The following BEND6 variants were observed in gnomAD, a reference collection of about 807,000 sequenced individuals.
The protein encoded by BEND6 is BEN domain-containing protein 6.
A neutral mutation model predicts 31.8 loss-of-function variants in BEND6; 24 were observed. The ratio of observed to expected loss-of-function variants is 0.75; its 90% CI spans 0.55 to 1.06. The LOEUF is 1.06. BEND6 is among the 50% of genes least tolerant of loss of function. BEND6 has a pLI of 0.00. For synonymous variants in BEND6, 109 were observed against 114.6 expected (o/e 0.95, Z 0.31); for missense variants, 294 against 327.4 (o/e 0.90, Z 0.79).
Position 56,955,169 on chromosome 6 carries a change from G to T in BEND6, c.-392G>T, listed in dbSNP as rs1168502536. On this transcript the variant is annotated 5_prime_UTR_variant, in exon 1 of 7. Transcript: ENST00000370746. ...ACATGGCTGCGGCGGTTTCGGCGGC[G>T]TCCGCGGGCTGCACCCGGGCCTGAG... 6.6e-6 allele frequency: 1 copy of T among 150,950 alleles called. No homozygotes were observed. Among genetic ancestry groups the T allele is most frequent in the Admixed American group, 6.6e-5 (1 of 15,156 alleles). The allele number at this position is 150,950 out of a possible 1,614,324, so 9.4% of individuals were successfully genotyped here.
intron 3 of BEND6, chr6:57,014,534 C>A: frequency 6.7e-7 from 1 of 1,501,852 alleles, no homozygotes; most frequent in Non-Finnish European, 8.9e-7. Flanking sequence ...GTGTAAGTTT[C>A]CATTTGAAAA....
At chr6:56,963,886 TTAA>T (rs1825372490) in intron 1 of BEND6, among the ~76,000 whole-genome samples, 1 of 147,784 alleles carries the variant, frequency 6.8e-6, no homozygotes, top group South Asian at 2.1e-4. Context: ...TACTATTAAA[TTAA>T]TGTTATAATT....
At chr6:57,011,525 C>G (rs1827340884) in intron 3 of BEND6, among the ~76,000 whole-genome samples, 1 of 151,718 alleles carries the variant, frequency 6.6e-6, no homozygotes, top group Non-Finnish European at 1.5e-5. Flanking sequence ...CAAGACCAGC[C>G]TGGGCAACAT....
intron 3 of BEND6, among the ~76,000 whole-genome samples, chr6:57,012,256 A>G (rs1827373062): frequency 6.6e-6 from 1 of 152,262 alleles, no homozygotes; most frequent in Non-Finnish European, 1.5e-5. Context: ...GGAATGAATT[A>G]TGGTACACAC....
chr6:56,973,450 A>G (rs1165414352), intron 1 of BEND6, among the ~76,000 whole-genome samples: 1 of 152,202 alleles, frequency 6.6e-6, no homozygotes, highest in Non-Finnish European at 1.5e-5. Flanking sequence ...CATTTTTTCT[A>G]TACATACCTA....
chr6:57,015,879 G>A (rs1453300134), intron 4 of BEND6, among the ~76,000 whole-genome samples: 6 of 151,704 alleles, frequency 4.0e-5, no homozygotes, highest in African/African-American at 1.5e-4. Flanking sequence ...GGCAGGGCTT[G>A]ACTTAGGAGG....
chr6:56,964,379 A>T (rs549617931), intron 1 of BEND6, among the ~76,000 whole-genome samples: 29 of 152,296 alleles, frequency 1.9e-4, no homozygotes, highest in Middle Eastern at 3.4e-3. Flanking sequence ...TGTGAACAGG[A>T]TGTACATTTG....
intron 3 of BEND6, among the ~76,000 whole-genome samples, chr6:56,994,225 C>T (rs1485246577): frequency 6.6e-6 from 1 of 151,548 alleles, no homozygotes; most frequent in Non-Finnish European, 1.5e-5. Flanking sequence ...TTTGGGAGGC[C>T]GAGGTGGGTG....
intron 1 of BEND6, among the ~76,000 whole-genome samples, chr6:56,960,732 G>A (rs1173612506): frequency 6.6e-6 from 1 of 152,190 alleles, no homozygotes; most frequent in Non-Finnish European, 1.5e-5. Flanking sequence ...AGAAAATTGT[G>A]ATGAGCAACT....
intron 2 of BEND6, among the ~76,000 whole-genome samples, chr6:56,990,716 T>C (rs565808818): frequency 3.9e-5 from 6 of 152,328 alleles, no homozygotes; most frequent in Admixed American, 2.0e-4. Flanking sequence ...CATATAAATT[T>C]TAAAACCAAT....
At chr6:56,998,103 A>T (rs1826793051) in intron 3 of BEND6, among the ~76,000 whole-genome samples, 1 of 152,146 alleles carries the variant, frequency 6.6e-6, no homozygotes, top group Non-Finnish European at 1.5e-5. Context: ...TTACGTTTTG[A>T]GGGAGAGGGA....
chr6:57,015,825 A>G (rs1441958173), intron 4 of BEND6, among the ~76,000 whole-genome samples: 5 of 151,690 alleles, frequency 3.3e-5, no homozygotes, highest in Admixed American at 3.3e-4. Context: ...AAAAAAAAAA[A>G]AAGAAGAGGC....
chr6:56,999,272 T>C (rs1826838176), intron 3 of BEND6, among the ~76,000 whole-genome samples: 1 of 152,004 alleles, frequency 6.6e-6, no homozygotes, highest in African/African-American at 2.4e-5. Flanking sequence ...TGTACAGTGA[T>C]GGCATGGAGG....
intron 1 of BEND6, among the ~76,000 whole-genome samples, chr6:56,956,135 G>A (rs924035367): frequency 5.9e-5 from 9 of 152,234 alleles, no homozygotes; most frequent in Non-Finnish European, 1.2e-4. Flanking sequence ...TGTGGGGCTG[G>A]ATTGTTTGTT....
chr6:57,011,602 C>T (rs1171977238), intron 3 of BEND6, among the ~76,000 whole-genome samples: 1 of 149,780 alleles, frequency 6.7e-6, no homozygotes, highest in East Asian at 2.0e-4. Flanking sequence ...CCCGTAGACC[C>T]AGCTACTTGG....
chr6:57,002,847 T>C (rs1177721363), intron 3 of BEND6, among the ~76,000 whole-genome samples: 1 of 150,598 alleles, frequency 6.6e-6, no homozygotes, highest in East Asian at 2.0e-4. Context: ...AGAAAAGAAA[T>C]CACTAAAATC....
intron 1 of BEND6, among the ~76,000 whole-genome samples, chr6:56,958,185 G>C (rs1441053177): frequency 6.6e-6 from 1 of 152,182 alleles, no homozygotes; most frequent in Non-Finnish European, 1.5e-5. Flanking sequence ...TGTGAGAAGG[G>C]AATTTTATAC....
intron 3 of BEND6, among the ~76,000 whole-genome samples, chr6:56,993,666 GC>G (rs1406398180): frequency 3.9e-5 from 6 of 152,112 alleles, no homozygotes; most frequent in Admixed American, 2.0e-4. Flanking sequence ...AATTGACAAG[GC>G]ATTACCTCTT....
chr6:57,009,220 C>T (rs1419000248), intron 3 of BEND6: 1 of 151,800 alleles, frequency 6.6e-6, no homozygotes, highest in African/African-American at 2.4e-5. Context: ...TGTTCAATAC[C>T]CCTGTGGGAT....
Sources: allele counts gnomAD v4.1 joint callset (sites outside exome capture counted in the v4.1 genomes callset), GRCh38; gene constraint gnomAD v4.1.1; transcripts MANE v1.5; gene names NCBI Gene and HGNC (gene_info 2026-07-23, HGNC 2026-07-21).